LRP1B: variants seen among roughly 807,000 people sequenced by gnomAD.
LRP1B encodes low-density lipoprotein receptor-related protein 1B.
Under a neutral mutation model 556.6 loss-of-function variants are expected in LRP1B, and 217 were observed. The observed-to-expected ratio is 0.39, with a 90% CI of 0.35 to 0.44. LRP1B has a LOEUF of 0.44. Ranked by LOEUF, LRP1B falls within the 20% of genes least tolerant of loss-of-function variation. LRP1B has a pLI of 1.00. For synonymous variants in LRP1B, 2,047 were observed against 1,865.8 expected, an observed-to-expected ratio of 1.10 and a Z score of -2.50; for missense variants, 5,053 against 5,620.8, an observed-to-expected ratio of 0.90 and a Z score of 3.23.
At chr2:141,345,474 T>C (rs928570370) in intron 3 of LRP1B, among the ~76,000 whole-genome samples, 2 of 151,988 alleles carry the variant, frequency 1.3e-5, no homozygotes, top group African/African-American at 4.8e-5. Context: ...TTTCTTCTCC[T>C]TCTTCTTCTT....
At chr2:141,423,297 T>G (rs1040613001) in intron 3 of LRP1B, among the ~76,000 whole-genome samples, 1 of 115,776 alleles carries the variant, frequency 8.6e-6, no homozygotes. Flanking sequence ...GAGCTTTTTT[T>G]TTTTTTTTTT....
At chr2:140,958,423 C>G (rs1003988411) in intron 18 of LRP1B, among the ~76,000 whole-genome samples, 1 of 151,368 alleles carries the variant, frequency 6.6e-6, no homozygotes, top group Non-Finnish European at 1.5e-5. Flanking sequence ...AATTACAAAC[C>G]GCATGAACAA....
At chr2:140,717,225 C>T (rs1048037859) in intron 35 of LRP1B, among the ~76,000 whole-genome samples, 15 of 152,052 alleles carry the variant, frequency 9.9e-5, no homozygotes, top group Non-Finnish European at 2.9e-5. Flanking sequence ...AAAATGAATA[C>T]TACTAGGGAA....
chr2:141,879,780 C>T (rs1039486420), intron 1 of LRP1B, among the ~76,000 whole-genome samples: 2 of 151,826 alleles, frequency 1.3e-5, no homozygotes, highest in Non-Finnish European at 2.9e-5. Context: ...GTACATGGAA[C>T]GTCTCATAAT....
chr2:141,988,638 T>C (rs192293235), intron 1 of LRP1B, among the ~76,000 whole-genome samples: 97 of 152,164 alleles, frequency 6.4e-4, no homozygotes, highest in Middle Eastern at 6.8e-3. Context: ...ATTTCAAAAC[T>C]ACTTTCACTT....
chr2:140,729,213 C>A (rs1316617334), intron 35 of LRP1B, among the ~76,000 whole-genome samples: 1 of 152,000 alleles, frequency 6.6e-6, no homozygotes, highest in Non-Finnish European at 1.5e-5. Context: ...TCAGACACTG[C>A]TATATGTTTC....
intron 2 of LRP1B, among the ~76,000 whole-genome samples, chr2:141,520,078 AC>A (rs1268026946): frequency 2.6e-5 from 4 of 152,182 alleles, no homozygotes; most frequent in African/African-American, 9.6e-5. Context: ...GGCTGCAACA[AC>A]GAGGCCAGTG....
chr2:141,880,713 A>G (rs968884715), intron 1 of LRP1B, among the ~76,000 whole-genome samples: 1 of 152,056 alleles, frequency 6.6e-6, no homozygotes, highest in Admixed American at 6.6e-5. Flanking sequence ...ATTTGGAAAA[A>G]AGTATCAATA....
chr2:140,974,171 T>A (rs1227927723), intron 18 of LRP1B, among the ~76,000 whole-genome samples: 1 of 152,196 alleles, frequency 6.6e-6, no homozygotes, highest in African/African-American at 2.4e-5. Flanking sequence ...GGAAGGCAGA[T>A]CTTAGCTCCA....
chr2:140,678,003 A>C (rs538343224), intron 41 of LRP1B, among the ~76,000 whole-genome samples: 1 of 152,240 alleles, frequency 6.6e-6, no homozygotes, highest in South Asian at 2.1e-4. Context: ...ACAGATGAGG[A>C]AACTAGGACA....
chr2:141,129,613 A>C (rs1701299815), intron 7 of LRP1B, among the ~76,000 whole-genome samples: 1 of 152,036 alleles, frequency 6.6e-6, no homozygotes, highest in South Asian at 2.1e-4. Flanking sequence ...CAATTCACAA[A>C]GAGAAAATAG....
At chr2:141,692,257 G>A (rs187058888) in intron 2 of LRP1B, among the ~76,000 whole-genome samples, 4 of 151,962 alleles carry the variant, frequency 2.6e-5, no homozygotes, top group African/African-American at 9.7e-5. Flanking sequence ...GATAGAATAA[G>A]TATCTATATG....
rs141115453 is a variant in LRP1B, at chr2:141,266,268, G to T, written c.344-11627C>A. On this transcript the variant is annotated intron_variant, in intron 3 of 90. Coordinates refer to ENST00000389484, the MANE Select transcript of LRP1B (RefSeq NM_018557.3). ...GAACCCGGGAGGCAGAGCTTGCAGT[G>T]AGCAGAGATTGCGCCACTGTACTCC... 3.6e-4 allele frequency among the ~76,000 whole-genome samples: 53 copies of T among 148,814 alleles called. 2 individuals are homozygous for T. The East Asian group carries it at 9.4e-3, about 26-fold the overall frequency.
At chr2:140,696,266 T>C (rs2105410232) in intron 41 of LRP1B, among the ~76,000 whole-genome samples, 1 of 152,248 alleles carries the variant, frequency 6.6e-6, no homozygotes, top group Non-Finnish European at 1.5e-5. Context: ...GTCTGTTTTC[T>C]TTTTTGGTCT....
intron 1 of LRP1B, among the ~76,000 whole-genome samples, chr2:141,911,950 C>T (rs1419216876): frequency 6.6e-6 from 1 of 152,180 alleles, no homozygotes; most frequent in African/African-American, 2.4e-5. Flanking sequence ...GCATGCACCA[C>T]ACACAAATTT....
intron 1 of LRP1B, among the ~76,000 whole-genome samples, chr2:141,894,588 C>A (rs1228707613): frequency 6.6e-6 from 1 of 151,746 alleles, no homozygotes; most frequent in Admixed American, 6.6e-5. Flanking sequence ...ATGCTGGTAA[C>A]CATGAGGAAC....
In LRP1B at chr2:141,517,027, A is replaced by AAAAAAG. The variant is rs1559116541; in HGVS notation, c.206-36500_206-36495dup. Among the ~76,000 whole-genome samples, 17 of 136,994 alleles carry AAAAAAG rather than the reference A, an allele frequency of 1.2e-4. 1 individual carries two copies. The highest frequency in any genetic ancestry group is 4.5e-4 in the African/African-American group (15 of 33,370). The allele number at this position is 136,994 out of a possible 152,430, so 89.9% of individuals were successfully genotyped here. Reference sequence around the variant, plus strand: ...CTTAAAAAAAAAAAAAAAAAAAAAAAAAAAAGTAAATCAATGAAATAATTT... The same window carrying AAAAAAG: ...CTTAAAAAAAAAAAAAAAAAAAAAAAAAAAAGAAAAAGTAAATCAATGAAATAATTT... On this transcript the variant is annotated intron_variant, in intron 2 of 90. Coordinates refer to ENST00000389484, the MANE Select transcript of LRP1B (RefSeq NM_018557.3).
chr2:141,400,201 A>T (rs890066748), intron 3 of LRP1B, among the ~76,000 whole-genome samples: 1 of 152,106 alleles, frequency 6.6e-6, no homozygotes, highest in Non-Finnish European at 1.5e-5. Context: ...CTGGTCTCAA[A>T]TTCCTGGGCT....
Position 140,442,471 on chromosome 2 carries a change from G to A in LRP1B, c.10414+33C>T, listed in dbSNP as rs369514393. 397 of 1,595,676 alleles carry A rather than the reference G, an allele frequency of 2.5e-4. 6 individuals carry two copies. The South Asian group carries it at 3.9e-3, about 16-fold the overall frequency. ...TTGTCGCAGATGATGACTCAAATAC[G>A]GAGAGATAAGACCCAGAGTCACAGA... is the stretch of plus-strand genomic sequence containing the variant. On this transcript the variant is annotated intron_variant, in intron 66 of 90. Transcript: ENST00000389484.
Sources: allele counts gnomAD v4.1 joint callset (sites outside exome capture counted in the v4.1 genomes callset), GRCh38; gene constraint gnomAD v4.1.1; transcripts MANE v1.5; gene names NCBI Gene and HGNC (gene_info 2026-07-23, HGNC 2026-07-21).